TOPBP1: variants seen among roughly 807,000 people sequenced by gnomAD.
TOPBP1 encodes DNA topoisomerase II binding protein 1.
A neutral mutation model predicts 167.7 loss-of-function variants in TOPBP1; 28 were observed. The observed-to-expected ratio is 0.17, with a 90% CI of 0.12 to 0.23. The LOEUF is 0.23. Ranked by LOEUF, TOPBP1 falls within the 10% of genes least tolerant of loss-of-function variation. The probability of loss-of-function intolerance (pLI) is 1.00; values close to 1 mark genes in which losing one functional copy is unlikely to be tolerated. For missense variants in TOPBP1, 1,554 were observed against 1,809.6 expected (o/e 0.86, Z 2.56); for synonymous variants, 598 against 611.4 (o/e 0.98, Z 0.32).
At chr3:133,613,925 T>C (rs1016357613) in intron 23 of TOPBP1, among the ~76,000 whole-genome samples, 2 of 151,882 alleles carry the variant, frequency 1.3e-5, no homozygotes, top group African/African-American at 4.8e-5. Flanking sequence ...TCTGAGTAGC[T>C]GGGATTACAG....
At chr3:133,656,893 C>T in intron 4 of TOPBP1, 36 bp from the exon 5 acceptor site, 1 of 1,465,916 alleles carries the variant, frequency 6.8e-7, no homozygotes, top group Non-Finnish European at 9.0e-7. Flanking sequence ...AATGCTGAAG[C>T]AAACAATATT....
At chr3:133,660,291 G>C (rs1936645867) in intron 2 of TOPBP1, among the ~76,000 whole-genome samples, 1 of 152,004 alleles carries the variant, frequency 6.6e-6, no homozygotes, top group South Asian at 2.1e-4. Flanking sequence ...ACCCCTTAAC[G>C]TGTTTTGCTT....
chr3:133,660,128 T>A (rs1291941742), intron 2 of TOPBP1, among the ~76,000 whole-genome samples: 1 of 152,212 alleles, frequency 6.6e-6, no homozygotes, highest in Non-Finnish European at 1.5e-5. Context: ...GGTTGCTCTC[T>A]CTGCCTGCAA....
At chr3:133,611,709 T>C (rs1576679398) in intron 24 of TOPBP1, among the ~76,000 whole-genome samples, 1 of 152,228 alleles carries the variant, frequency 6.6e-6, no homozygotes, top group Non-Finnish European at 1.5e-5. Flanking sequence ...TGGCCATATT[T>C]GGTTATTTCA....
chr3:133,660,259 A>AAGGT (rs1559836916), intron 2 of TOPBP1, among the ~76,000 whole-genome samples: 2 of 151,786 alleles, frequency 1.3e-5, no homozygotes, highest in Non-Finnish European at 2.9e-5. Context: ...TTCTCTTCCC[A>AAGGT]CCCCAAGAAA....
At chr3:133,640,915 T>C (rs1935871912) in intron 12 of TOPBP1, among the ~76,000 whole-genome samples, 1 of 152,172 alleles carries the variant, frequency 6.6e-6, no homozygotes, top group Non-Finnish European at 1.5e-5. Flanking sequence ...ACAGAGAAAT[T>C]AAGTGCCTCA....
At chr3:133,629,427 C>T (rs1299836030) in intron 14 of TOPBP1, among the ~76,000 whole-genome samples, 1 of 152,154 alleles carries the variant, frequency 6.6e-6, no homozygotes, top group Non-Finnish European at 1.5e-5. Flanking sequence ...ACCTTTTAAG[C>T]AAAATGTATC....
At chr3:133,658,779 C>G (rs1231400699) in intron 3 of TOPBP1, among the ~76,000 whole-genome samples, 1 of 152,128 alleles carries the variant, frequency 6.6e-6, no homozygotes, top group Non-Finnish European at 1.5e-5. Context: ...TGCACTAAAG[C>G]CTGGGCAACA....
At chr3:133,605,319 C>T (rs1347224399) in intron 27 of TOPBP1, among the ~76,000 whole-genome samples, 2 of 148,846 alleles carry the variant, frequency 1.3e-5, no homozygotes, top group Admixed American at 6.7e-5. Context: ...GCCAGCAAAA[C>T]GCTAATACCA....
chr3:133,616,853 G>T lies in TOPBP1; in HGVS notation c.3832C>A (p.Gln1278Lys). The change falls in exon 23 of 28, where the codon CAA (glutamine) becomes AAA (lysine). Residue 1278 changes from glutamine (Q) to lysine (K), a missense_variant. Transcript: ENST00000260810. ...AGATGACAATAGTCAATACGTTCTT[G>T]AGGATTCAGAGATGATAACTGAAAT... is the stretch of plus-strand genomic sequence containing the variant. ...YIFQLSSLNP[Q>K]ERIDYCHLIE... is the part of the protein sequence containing the mutation. The T allele has an allele frequency of 1.3e-6, 2 of 1,557,300 alleles. No individual in the cohort carries two copies. The highest frequency in any genetic ancestry group is 2.3e-5 in the East Asian group (1 of 43,154).
intron 5 of TOPBP1, among the ~76,000 whole-genome samples, chr3:133,656,099 A>G (rs942724142): frequency 6.6e-6 from 1 of 150,924 alleles, no homozygotes; most frequent in African/African-American, 2.4e-5. Flanking sequence ...TGCAGGGGAA[A>G]CTGAAGTGTG....
chr3:133,653,197 T>C, intron 7 of TOPBP1, 148 bp downstream of exon 7: 1 of 737,730 alleles, frequency 1.4e-6, no homozygotes, highest in Non-Finnish European at 2.0e-6. Flanking sequence ...TAACTTTTTA[T>C]ACAATTTGAC....
chr3:133,622,696 T>C (rs1935133809), intron 19 of TOPBP1, among the ~76,000 whole-genome samples: 2 of 152,232 alleles, frequency 1.3e-5, no homozygotes, highest in South Asian at 4.1e-4. Context: ...GAAAACTTTT[T>C]GAAAATCACT....
intron 6 of TOPBP1, 25 bp from the exon 7 acceptor site, chr3:133,653,549 T>C (rs761204452): frequency 1.3e-6 from 2 of 1,498,564 alleles, no homozygotes; most frequent in East Asian, 4.9e-5. Context: ...AAGAAAGAAA[T>C]AGAGAAAATA....
chr3:133,633,034 A>G (rs1935542359), intron 14 of TOPBP1, among the ~76,000 whole-genome samples: 1 of 152,114 alleles, frequency 6.6e-6, no homozygotes, highest in Non-Finnish European at 1.5e-5. Flanking sequence ...TGGGCTCCCA[A>G]AGTGCTGGGA....
At chr3:133,661,164 A>G in intron 1 of TOPBP1, 30 bp from the exon 2 acceptor site, 1 of 1,496,664 alleles carries the variant, frequency 6.7e-7, no homozygotes, top group Non-Finnish European at 9.0e-7. Flanking sequence ...ATTAACAAGA[A>G]CAAAACCACA....
chr3:133,625,646 G>A (rs569831357), intron 16 of TOPBP1, among the ~76,000 whole-genome samples: 5 of 151,948 alleles, frequency 3.3e-5, no homozygotes, highest in East Asian at 3.9e-4. Context: ...CAGGAGAATC[G>A]CTTAAACCCA....
At chr3:133,647,932 G>C (rs944294180) in intron 10 of TOPBP1, among the ~76,000 whole-genome samples, 1 of 152,060 alleles carries the variant, frequency 6.6e-6, no homozygotes, top group African/African-American at 2.4e-5. Context: ...TAGAGAATGG[G>C]GGAGAGGCAA....
chr3:133,649,294 C>G, intron 10 of TOPBP1, 89 bp downstream of exon 10: 1 of 1,457,862 alleles, frequency 6.9e-7, no homozygotes, highest in Non-Finnish European at 9.1e-7. Context: ...AACTTAAAAT[C>G]TAGAAAACTT....
Sources: allele counts gnomAD v4.1 joint callset (sites outside exome capture counted in the v4.1 genomes callset), GRCh38; gene constraint gnomAD v4.1.1; transcripts MANE v1.5; gene names NCBI Gene and HGNC (gene_info 2026-07-23, HGNC 2026-07-21).